Variants in CSN2 observed in about 807,000 individuals in gnomAD.
CSN2 encodes beta-casein.
CSN2 carries 27 observed loss-of-function variants against 27.3 expected under a neutral mutation model. The ratio of observed to expected loss-of-function variants is 0.99; its 90% CI spans 0.73 to 1.36. The LOEUF (loss-of-function observed/expected upper bound fraction) is 1.36, where lower values mean the gene tolerates loss of function less well. Among genes scored for constraint, CSN2 ranks in the 40% most tolerant of loss-of-function variants. CSN2 has a pLI of 0.00. For missense variants in CSN2, 333 were observed against 264.5 expected (o/e 1.26, Z -1.80); for synonymous variants, 131 against 94.8 (o/e 1.38, Z -2.22).
chr4:69,961,076 G>C (rs1345706957), intron 1 of CSN2, 69 bp from the exon 2 acceptor site: 1 of 1,061,582 alleles, frequency 9.4e-7, no homozygotes, highest in Non-Finnish European at 1.4e-6. Context: ...TGTAGGTAAG[G>C]TTACTTTTTA....
At chr4:69,961,948 CAG>C (rs1404469191) in intron 1 of CSN2, among the ~76,000 whole-genome samples, 1 of 152,104 alleles carries the variant, frequency 6.6e-6, no homozygotes, top group Non-Finnish European at 1.5e-5. Flanking sequence ...AACAGACAAA[CAG>C]AGAGCCAAAT....
In CSN2 at chr4:69,959,111, AT is replaced by A. The variant is rs1462917698; in HGVS notation, c.79-43del. On this transcript the variant is annotated intron_variant, in intron 3 of 7. Coordinates refer to ENST00000353151, the MANE Select transcript of CSN2 (RefSeq NM_001891.4). ...AATAAAATTAGGTTTAGTTTTAACA[AT>A]TCTTACTTTGCAATATAAATCAGGA... The A allele has an allele frequency of 2.5e-6, 3 of 1,203,828 alleles. No individual in the cohort carries two copies. The African/African-American group carries it at 4.7e-5, about 19-fold the overall frequency. 74.6% of individuals were successfully genotyped at this position (1,203,828 alleles called of 1,614,324 possible).
In CSN2 at chr4:69,965,704, G is replaced by A. The variant is rs1001997657; in HGVS notation, c.-36C>T. 3.9e-5 allele frequency among the ~76,000 whole-genome samples: 6 copies of A among 151,914 alleles called. No individual in the cohort carries two copies. The highest frequency in any genetic ancestry group is 1.4e-4 in the African/African-American group (6 of 41,396). On this transcript the variant is annotated 5_prime_UTR_variant, in exon 1 of 8. Coordinates refer to ENST00000353151, the MANE Select transcript of CSN2 (RefSeq NM_001891.4). The stretch of plus-strand genomic sequence containing the variant: ...ACCGTTTTTCCAAGATTGAAGAGAA[G>A]TGAAGGTAGTGCTGGATGGATGATG...
chr4:69,961,263 A>G (rs183256992), intron 1 of CSN2, among the ~76,000 whole-genome samples: 167 of 152,220 alleles, frequency 1.1e-3, no homozygotes, highest in Admixed American at 5.4e-3. Flanking sequence ...TTTTTCAGCT[A>G]ACAACTCTAT....
chr4:69,962,114 C>T (rs1373907417), intron 1 of CSN2, among the ~76,000 whole-genome samples: 2 of 152,142 alleles, frequency 1.3e-5, no homozygotes, highest in Non-Finnish European at 2.9e-5. Flanking sequence ...ACATTCCATG[C>T]TCATGGGTAG....
chr4:69,963,237 T>A lies in CSN2; in HGVS notation c.-12-2230A>T, dbSNP rs569511461. Among the ~76,000 whole-genome samples the A allele has an allele frequency of 6.1e-4, 93 of 152,270 alleles. 1 individual carries two copies. The highest frequency in any genetic ancestry group is 1.3e-4 in the Non-Finnish European group (9 of 68,032). The stretch of plus-strand genomic sequence containing the variant: ...TTGACCTAGCCATCCCATTACTGGG[T>A]ATATACCCAAAGGATTATAAATCAT... On this transcript the variant is annotated intron_variant, in intron 1 of 7. Transcript: ENST00000353151.
At chr4:69,956,526 A>G (rs1723401796) in intron 6 of CSN2, among the ~76,000 whole-genome samples, 171 bp from the exon 7 acceptor site, 1 of 151,986 alleles carries the variant, frequency 6.6e-6, no homozygotes, top group South Asian at 2.1e-4. Context: ...AAATAAATAA[A>G]TAAATAACCT....
chr4:69,958,816 C>T, intron 5 of CSN2, 93 bp downstream of exon 5: 1 of 800,994 alleles, frequency 1.2e-6, no homozygotes, highest in Non-Finnish European at 1.9e-6. Flanking sequence ...ATTTTATTAT[C>T]ATTCTTTAGA....
chr4:69,962,735 G>A (rs1723639639), intron 1 of CSN2, among the ~76,000 whole-genome samples: 2 of 152,158 alleles, frequency 1.3e-5, no homozygotes, highest in Admixed American at 6.5e-5. Flanking sequence ...ATTGACAAAT[G>A]GGATCTAATT....
chr4:69,959,426 G>A (rs1213307142), intron 3 of CSN2, among the ~76,000 whole-genome samples: 1 of 151,962 alleles, frequency 6.6e-6, no homozygotes, highest in African/African-American at 2.4e-5. Flanking sequence ...CACTTCAAAT[G>A]AATCATAAGA....
At chr4:69,959,409 T>G (rs1238963245) in intron 3 of CSN2, among the ~76,000 whole-genome samples, 4 of 152,124 alleles carry the variant, frequency 2.6e-5, no homozygotes, top group African/African-American at 9.7e-5. Flanking sequence ...AATTGATACA[T>G]TATGATCACT....
rs1210086415 is a variant in CSN2, at chr4:69,965,683, T to G, written c.-15A>C. On this transcript the variant is annotated splice_region_variant and 5_prime_UTR_variant, in exon 1 of 8. Coordinates refer to ENST00000353151, the MANE Select transcript of CSN2 (RefSeq NM_001891.4). ...AAATTTGTATCTAAAATTCTTACCGTTTTTCCAAGATTGAAGAGAAGTGAA... is the reference window on the plus strand; with the variant it reads ...AAATTTGTATCTAAAATTCTTACCGGTTTTCCAAGATTGAAGAGAAGTGAA... Among the ~76,000 whole-genome samples the G allele has an allele frequency of 6.6e-6, 1 of 151,870 alleles. No homozygotes were observed. The highest frequency in any genetic ancestry group is 2.4e-5 in the African/African-American group (1 of 41,448).
At chr4:69,959,027 C>T in intron 4 of CSN2, 22 bp downstream of exon 4, 1 of 1,470,782 alleles carries the variant, frequency 6.8e-7, no homozygotes, top group Non-Finnish European at 9.4e-7. Flanking sequence ...AAAATGTGTA[C>T]ATTTTAAATG....
chr4:69,957,595 AAGGACAG>A lies in CSN2; in HGVS notation c.347_353del (p.Pro116LeufsTer32), dbSNP rs768253575. On this transcript the variant is annotated frameshift_variant, in exon 6 of 8. Transcript: ENST00000353151. LOFTEE classifies it high-confidence loss of function. ...CAAAAAAGGGTATCGTTGGAGATTT[AAGGACAG>A]GCATCACTCTGCCCTTAGTGTAGAC... The A allele has an allele frequency of 6.2e-7, 1 of 1,613,996 alleles. No homozygotes were observed. Among genetic ancestry groups the A allele is most frequent in the South Asian group, 1.1e-5 (1 of 91,068 alleles).
intron 5 of CSN2, among the ~76,000 whole-genome samples, 174 bp downstream of exon 5, chr4:69,958,735 G>A (rs536491746): frequency 6.6e-6 from 1 of 152,040 alleles, no homozygotes. Flanking sequence ...AAAAATGCAT[G>A]CATATCCTAG....
In CSN2 at chr4:69,957,583, C is replaced by A; in HGVS notation, c.366G>T (p.Thr122=). The change falls in exon 6 of 8, where the codon ACG becomes ACT. Residue 122 remains threonine, a synonymous_variant. Coordinates refer to ENST00000353151, the MANE Select transcript of CSN2 (RefSeq NM_001891.4). ...GGATTTGAGGGTCAAAAAAGGGTAT[C>A]GTTGGAGATTTAAGGACAGGCATCA... The part of the protein sequence containing the change: ...GRVMPVLKSP[T]IPFFDPQIPK... The A allele has an allele frequency of 6.2e-7, 1 of 1,613,838 alleles. No homozygotes were observed. The highest frequency in any genetic ancestry group is 8.5e-7 in the Non-Finnish European group (1 of 1,179,940).
chr4:69,965,408 C>CTATATATATATA (rs756206077), intron 1 of CSN2, among the ~76,000 whole-genome samples: 94 of 88,096 alleles, frequency 1.1e-3, no homozygotes, highest in Non-Finnish European at 1.3e-3. Context: ...TAGCCTCATA[C>CTATATATATATA]TATATATATA....
At chr4:69,959,351 TC>T (rs1289470265) in intron 3 of CSN2, among the ~76,000 whole-genome samples, 1 of 152,004 alleles carries the variant, frequency 6.6e-6, no homozygotes, top group Non-Finnish European at 1.5e-5. Context: ...TAAAACCCCA[TC>T]TGATTTTTAA....
At position 69,958,927 on chromosome 4, in the gene CSN2, C is replaced by T; in HGVS notation, c.126G>A (p.Glu42=). ...AAATTACCTCTCCTTGCTGCTGGTC[C>T]TCATGTTTAACCTTCTCAACTTTCT... The part of the protein sequence containing the change: ...YKQKVEKVKH[E]DQQQGEDEHQ... The change falls in exon 5 of 8, where the codon GAG becomes GAA. Residue 42 remains glutamate (E), a synonymous_variant. Coordinates refer to ENST00000353151, the MANE Select transcript of CSN2 (RefSeq NM_001891.4). 3 of 1,594,332 alleles carry T rather than the reference C, an allele frequency of 1.9e-6. No individual in the cohort carries two copies. Among genetic ancestry groups the T allele is most frequent in the Middle Eastern group, 2.0e-4 (1 of 4,968 alleles).
Sources: gnomAD v4.1 joint callset for allele counts (sites outside exome capture counted in the v4.1 genomes callset) on GRCh38, gnomAD v4.1.1 for gene constraint, MANE v1.5 for transcripts, NCBI Gene and HGNC (gene_info 2026-07-23, HGNC 2026-07-21) for gene names.